DCHS2: variants seen among roughly 807,000 people sequenced by gnomAD.
DCHS2 encodes the protein protocadherin-23.
A neutral mutation model predicts 182.4 loss-of-function variants in DCHS2; 142 were observed. The observed-to-expected ratio is 0.78, with a 90% CI of 0.68 to 0.89. DCHS2 has a LOEUF of 0.89. DCHS2 is among the 40% of genes least tolerant of loss of function. The probability of loss-of-function intolerance (pLI) is 0.00; values close to 1 mark genes in which losing one functional copy is unlikely to be tolerated. For missense variants in DCHS2, 4,319 were observed against 4,198.6 expected (o/e 1.03, Z -0.79); for synonymous variants, 1,740 against 1,663.3 (o/e 1.05, Z -1.12).
chr4:154,486,443 C>A (rs140554741), intron 1 of DCHS2: 31,386 of 1,304,154 alleles, frequency 0.024, 532 homozygotes, highest in South Asian at 0.049. Flanking sequence ...TACAGGAAAT[C>A]TAGGCAAGAT....
At chr4:154,443,588 G>T (rs1734125393) in intron 1 of DCHS2, among the ~76,000 whole-genome samples, 1 of 152,054 alleles carries the variant, frequency 6.6e-6, no homozygotes, top group Non-Finnish European at 1.5e-5. Flanking sequence ...CTTTCCCATA[G>T]AAATGGATTA....
chr4:154,450,047 G>A (rs1265425850), intron 1 of DCHS2, among the ~76,000 whole-genome samples: 1 of 152,168 alleles, frequency 6.6e-6, no homozygotes, highest in Non-Finnish European at 1.5e-5. Context: ...TCTTCAAGAG[G>A]AAAACAGTTA....
rs865995733 is a variant in DCHS2 at position 154,234,862 on chromosome 4, T to C, written c.9790A>G (p.Met3264Val). ...TTCTTCTCTTTTGGAATGCCAGGCA[T>C]ATGCAAATGTTCATCCTTTAGTTTT... The part of the protein sequence containing the change: ...IAKLKDEHLH[M>V]PGIPKEKKSF... Residue 3264 changes from methionine to valine, a missense_variant, in exon 20 of 20, where the codon ATG becomes GTG. Met to Val is a conservative substitution (Grantham distance 21, BLOSUM62 1). Transcript: ENST00000357232. The C allele has an allele frequency of 3.1e-6, 5 of 1,613,990 alleles. No individual in the cohort carries two copies. The highest frequency in any genetic ancestry group is 3.3e-4 in the Middle Eastern group (2 of 6,082).
In DCHS2 at chr4:154,235,045, CTT is replaced by C; in HGVS notation, c.9605_9606del (p.Lys3202ArgfsTer8). On this transcript the variant is annotated frameshift_variant, in exon 20 of 20. Transcript: ENST00000357232. LOFTEE classifies it low-confidence loss of function (END_TRUNC). The stretch of plus-strand genomic sequence containing the variant: ...TGATCACCTGAAATAAAGACAGACT[CTT>C]TTCTAACGTCAGCCAGGATGCTCTC... Reference protein sequence around the residue: ...AKESILADVRKESVFISGDQE... With the variant: ...AKESILADVRXESVFISGDQE... 6.2e-7 allele frequency: 1 copy of C among 1,613,986 alleles called. No homozygotes were observed.
intron 4 of DCHS2, chr4:154,334,648 T>C (rs1728701204): frequency 1.9e-6 from 1 of 524,832 alleles, no homozygotes; most frequent in Admixed American, 3.3e-5. Flanking sequence ...TTTTAAACAT[T>C]CTTTTTAAAA....
At chr4:154,367,643 C>CT (rs1455846863) in intron 2 of DCHS2, among the ~76,000 whole-genome samples, 3 of 152,178 alleles carry the variant, frequency 2.0e-5, no homozygotes, top group Admixed American at 6.5e-5. Context: ...CATTTTGACA[C>CT]TTTCATCTTT....
At chr4:154,262,946 T>G (rs1024968884) in intron 14 of DCHS2, among the ~76,000 whole-genome samples, 2 of 152,192 alleles carry the variant, frequency 1.3e-5, no homozygotes, top group Admixed American at 6.5e-5. Context: ...TAAAGTGGCA[T>G]GAAGTTTAAA....
chr4:154,489,930 C>T lies in DCHS2; in HGVS notation c.1426G>A (p.Gly476Arg). ...CCGCCGGGTAGCAACGCGAAGTCTC[C>T]CTCTCCGCCTTCCAAGGACAGAGAG... ...SISLSLEGGE[G>R]DFALLPGGPP... Residue 476 changes from glycine to arginine, a missense_variant, in exon 1 of 20, where the codon GGA becomes AGA. Transcript: ENST00000357232. 1 of 1,540,238 alleles carries T rather than the reference C, an allele frequency of 6.5e-7. No homozygotes were observed. The highest frequency in any genetic ancestry group is 1.7e-4 in the Middle Eastern group (1 of 5,928).
chr4:154,484,611 A>G (rs1728512286), intron 1 of DCHS2, among the ~76,000 whole-genome samples: 1 of 152,242 alleles, frequency 6.6e-6, no homozygotes, highest in African/African-American at 2.4e-5. Flanking sequence ...ACATATTTTG[A>G]TTAAATGAAG....
chr4:154,265,843 G>C (rs1733227357), intron 14 of DCHS2, among the ~76,000 whole-genome samples: 1 of 152,106 alleles, frequency 6.6e-6, no homozygotes, highest in African/African-American at 2.4e-5. Context: ...TAGTACAGTA[G>C]TTCCCCCTTC....
At position 154,485,873 on chromosome 4, in the gene DCHS2, G is replaced by A. The variant is rs144231238; in HGVS notation, c.2052+3431C>T. 3.3e-5 allele frequency among the ~76,000 whole-genome samples: 5 copies of A among 152,362 alleles called. No individual in the cohort carries two copies. In the East Asian group the frequency reaches 9.6e-4, roughly 29 times the overall value. ...TGCAGCTCACAACATCAGACTTAGT[G>A]TAGGGTGGAGGATGGAGCTCTTGTC... On this transcript the variant is annotated intron_variant, in intron 1 of 19. Transcript: ENST00000357232.
chr4:154,351,494 GC>G (rs1254061750), intron 3 of DCHS2, among the ~76,000 whole-genome samples: 1 of 152,080 alleles, frequency 6.6e-6, no homozygotes, highest in Non-Finnish European at 1.5e-5. Context: ...GAAAAATGCT[GC>G]CTTCATAAAC....
intron 3 of DCHS2, among the ~76,000 whole-genome samples, chr4:154,348,286 A>G (rs1361021195): frequency 6.6e-6 from 1 of 152,014 alleles, no homozygotes; most frequent in Non-Finnish European, 1.5e-5. Flanking sequence ...TTCAGTTTAA[A>G]GGAAATAATT....
At position 154,401,373 on chromosome 4, in the gene DCHS2, G is replaced by A. The variant is rs142017801; in HGVS notation, c.2053-23929C>T. On this transcript the variant is annotated intron_variant, in intron 1 of 19. Coordinates refer to ENST00000357232, the MANE Select transcript of DCHS2 (RefSeq NM_001358235.2). ...TTTTGCAGACATGTTTTCATTTTGG[G>A]GGGGTAAAAATCTAGGAGCAGAATT... Among the ~76,000 whole-genome samples the A allele has an allele frequency of 5.0e-3, 760 of 152,140 alleles. 8 individuals are homozygous for A. The highest frequency in any genetic ancestry group is 0.018 in the African/African-American group (737 of 41,510).
chr4:154,243,135 C>T (rs1475580211), intron 16 of DCHS2, among the ~76,000 whole-genome samples: 1 of 152,126 alleles, frequency 6.6e-6, no homozygotes, highest in African/African-American at 2.4e-5. Context: ...CTGTTTCCAC[C>T]TTGCCATGCC....
At chr4:154,245,119 G>T (rs373951914) in intron 16 of DCHS2, among the ~76,000 whole-genome samples, 16 of 152,234 alleles carry the variant, frequency 1.1e-4, no homozygotes, top group African/African-American at 3.8e-4. Context: ...GAAAGGAAAA[G>T]GTTCCTCAAT....
chr4:154,477,085 G>A (rs1172455091), intron 1 of DCHS2, among the ~76,000 whole-genome samples: 1 of 152,126 alleles, frequency 6.6e-6, no homozygotes, highest in Non-Finnish European at 1.5e-5. Flanking sequence ...TAGGCTGGGT[G>A]GCTTAAACAC....
intron 16 of DCHS2, among the ~76,000 whole-genome samples, chr4:154,252,641 G>A (rs1451726390): frequency 7.7e-6 from 1 of 130,556 alleles, no homozygotes; most frequent in Non-Finnish European, 1.7e-5. Context: ...TGTTGCAAAT[G>A]ACCGGATCTC....
Position 154,332,678 on chromosome 4 carries a change from A to G in DCHS2, c.3530T>C (p.Val1177Ala), listed in dbSNP as rs1736591890. Residue 1177 changes from valine (V) to alanine (A), a missense_variant, in exon 5 of 20, where the codon GTC (valine) becomes GCC (alanine). Val to Ala is a moderately conservative substitution (Grantham distance 64). Transcript: ENST00000357232. ...DGFLQNVSTTVIVRVWDENDN... is the reference protein window; with the variant it reads ...DGFLQNVSTTAIVRVWDENDN... ...ATTCTCATCCCAGACACGAACAATGACTGTAGTGCTCACATTTTGCAAGAA... is the reference window on the plus strand; with the variant it reads ...ATTCTCATCCCAGACACGAACAATGGCTGTAGTGCTCACATTTTGCAAGAA... 1 of 1,614,138 alleles carries G rather than the reference A, an allele frequency of 6.2e-7. No homozygotes were observed. The highest frequency in any genetic ancestry group is 8.5e-7 in the Non-Finnish European group (1 of 1,180,054).
Sources: allele counts gnomAD v4.1 joint callset (sites outside exome capture counted in the v4.1 genomes callset), GRCh38; gene constraint gnomAD v4.1.1; transcripts MANE v1.5; gene names NCBI Gene and HGNC (gene_info 2026-07-23, HGNC 2026-07-21).